Variants in SH3KBP1 observed in about 807,000 individuals in gnomAD.
SH3KBP1 encodes SH3 domain containing kinase binding protein 1.
In SH3KBP1, 8 loss-of-function variants were observed where a neutral mutation model predicts 50.1. The observed-to-expected ratio is 0.16, with a 90% CI of 0.09 to 0.29. The LOEUF (loss-of-function observed/expected upper bound fraction) is 0.29, where lower values mean the gene tolerates loss of function less well. Among genes scored for constraint, SH3KBP1 ranks in the 10% least tolerant of loss-of-function variants. SH3KBP1 has a pLI of 1.00. For missense variants in SH3KBP1, 377 were observed against 535.2 expected (o/e 0.70, Z 2.92); for synonymous variants, 227 against 218.6 (o/e 1.04, Z -0.34).
intron 5 of SH3KBP1, among the ~76,000 whole-genome samples, chrX:19,692,309 A>T (rs2063307591): frequency 9.0e-6 from 1 of 111,240 alleles, no homozygotes; most frequent in Non-Finnish European, 1.9e-5. Flanking sequence ...AATAAGAGAA[A>T]AGCAAGTTCA....
chrX:19,715,052 T>C (rs1482416706), intron 3 of SH3KBP1, among the ~76,000 whole-genome samples: 1 of 111,287 alleles, frequency 9.0e-6, no homozygotes, highest in Non-Finnish European at 1.9e-5. Flanking sequence ...GGCAGGAAGA[T>C]CACTTGAGCC....
At chrX:19,672,797 C>T (rs758617139) in intron 6 of SH3KBP1, among the ~76,000 whole-genome samples, 1 of 111,229 alleles carries the variant, frequency 9.0e-6, no homozygotes, top group African/African-American at 3.3e-5. Flanking sequence ...TGGCTCACGC[C>T]TGTAATCCTA....
At chrX:19,710,258 T>C (rs1296599800) in intron 3 of SH3KBP1, among the ~76,000 whole-genome samples, 1 of 112,708 alleles carries the variant, frequency 8.9e-6, no homozygotes, top group Non-Finnish European at 1.9e-5. Flanking sequence ...ATCATCCATT[T>C]GTCCAGCGTC....
intron 7 of SH3KBP1, among the ~76,000 whole-genome samples, chrX:19,632,547 G>T (rs1206245293): frequency 8.9e-6 from 1 of 112,570 alleles, no homozygotes; most frequent in Non-Finnish European, 1.9e-5. Flanking sequence ...ACATATGTGT[G>T]GGGGTAAGCT....
chrX:19,794,513 C>A (rs2066649875), intron 2 of SH3KBP1, among the ~76,000 whole-genome samples: 1 of 110,587 alleles, frequency 9.0e-6, no homozygotes, highest in Non-Finnish European at 1.9e-5. Context: ...ACCATCCTGG[C>A]TAACATGGTG....
intron 6 of SH3KBP1, among the ~76,000 whole-genome samples, chrX:19,671,401 C>CAT (rs1255205025): frequency 6.3e-5 from 7 of 110,624 alleles, no homozygotes; most frequent in African/African-American, 2.3e-4. Context: ...CACACATACA[C>CAT]ACACACACAC....
intron 5 of SH3KBP1, among the ~76,000 whole-genome samples, chrX:19,688,461 T>C (rs1054697412): frequency 1.8e-5 from 2 of 111,859 alleles, no homozygotes; most frequent in Admixed American, 1.9e-4. Flanking sequence ...GTGTCAAATG[T>C]CAAATTATCT....
rs761368306 is a variant in SH3KBP1, at chrX:19,540,357, A to G, written c.1892+1568T>C. Among the ~76,000 whole-genome samples, 22 of 111,092 alleles carry G rather than the reference A, an allele frequency of 2.0e-4. 1 individual carries two copies. The highest frequency in any genetic ancestry group is 1.8e-3 in the Admixed American group (19 of 10,508). ...TGGAACAGAACCCGCTTAGAGCCAC[A>G]TTACTCAAAGCGAATTCCATGGAAC... On this transcript the variant is annotated intron_variant, in intron 16 of 17. Transcript: ENST00000397821.
At chrX:19,551,033 C>A (rs946978541) in intron 13 of SH3KBP1, among the ~76,000 whole-genome samples, 1 of 111,638 alleles carries the variant, frequency 9.0e-6, no homozygotes, top group African/African-American at 3.3e-5. Context: ...GGGGAGAATT[C>A]TTTTGCTGAT....
intron 11 of SH3KBP1, 43 bp downstream of exon 11, chrX:19,592,024 C>T (rs1461732172): frequency 2.1e-5 from 22 of 1,049,632 alleles, no homozygotes; most frequent in Non-Finnish European, 2.9e-5. Flanking sequence ...ACAGCTTCAG[C>T]TCCTGCTGTT....
chrX:19,771,150 A>T (rs2065779195), intron 2 of SH3KBP1, among the ~76,000 whole-genome samples: 1 of 112,474 alleles, frequency 8.9e-6, no homozygotes, highest in Admixed American at 9.4e-5. Flanking sequence ...CCAAAAAGAA[A>T]AAAACAACAA....
intron 5 of SH3KBP1, among the ~76,000 whole-genome samples, chrX:19,687,107 ATG>A (rs1164732887): frequency 8.8e-6 from 1 of 113,072 alleles, no homozygotes; most frequent in Non-Finnish European, 1.9e-5. Flanking sequence ...AAAGTCTGCC[ATG>A]TGGTGATTGG....
At position 19,595,009 on chromosome X, in the gene SH3KBP1, T is replaced by G; in HGVS notation, c.1006-9A>C. ...GGTGGCTTCTTGGGTCTCTGAAAAA[T>G]TAATAAAAATTATACCACATGAGAT... On this transcript the variant is annotated splice_polypyrimidine_tract_variant and intron_variant, in intron 9 of 17. Transcript: ENST00000397821. The G allele has an allele frequency of 8.7e-7, 1 of 1,154,614 alleles. No homozygotes were observed. Among genetic ancestry groups the G allele is most frequent in the Non-Finnish European group, 1.2e-6 (1 of 843,886 alleles).
chrX:19,691,683 T>C (rs2063297452), intron 5 of SH3KBP1, among the ~76,000 whole-genome samples: 1 of 110,681 alleles, frequency 9.0e-6, no homozygotes. Flanking sequence ...AACTGCAACG[T>C]ATGTACTTTA....
intron 15 of SH3KBP1, 35 bp downstream of exon 15, chrX:19,545,887 T>A: frequency 2.5e-6 from 3 of 1,204,923 alleles, no homozygotes; most frequent in Non-Finnish European, 3.4e-6. Flanking sequence ...ATGCATGAAA[T>A]GACAGGGACA....
chrX:19,640,200 G>A (rs1414958592), intron 7 of SH3KBP1, among the ~76,000 whole-genome samples: 1 of 111,769 alleles, frequency 8.9e-6, no homozygotes, highest in Non-Finnish European at 1.9e-5. Flanking sequence ...ATTATATCAG[G>A]AAGAATGAAA....
intron 3 of SH3KBP1, among the ~76,000 whole-genome samples, chrX:19,718,748 A>G (rs1019017095): frequency 7.2e-5 from 8 of 111,722 alleles, no homozygotes; most frequent in Non-Finnish European, 1.1e-4. Flanking sequence ...GGACCTCCCA[A>G]TGACAACTGG....
At chrX:19,878,995 A>G (rs2069351201) in intron 1 of SH3KBP1, among the ~76,000 whole-genome samples, 2 of 112,746 alleles carry the variant, frequency 1.8e-5, no homozygotes, top group African/African-American at 6.5e-5. Context: ...CCTAATCCCA[A>G]TGCTTTGGGA....
intron 8 of SH3KBP1, among the ~76,000 whole-genome samples, chrX:19,615,194 T>C (rs112862915): frequency 1.3e-4 from 15 of 112,730 alleles, no homozygotes; most frequent in African/African-American, 4.2e-4. Context: ...GTGTCTTCTT[T>C]GAGTTCAAAT....
Sources: allele counts gnomAD v4.1 joint callset (sites outside exome capture counted in the v4.1 genomes callset), GRCh38; gene constraint gnomAD v4.1.1; transcripts MANE v1.5; gene names NCBI Gene and HGNC (gene_info 2026-07-23, HGNC 2026-07-21).